The following MDGA2 variants were observed in gnomAD, a reference collection of about 807,000 sequenced individuals.
MDGA2 encodes the protein MAM domain-containing glycosylphosphatidylinositol anchor protein 2.
In MDGA2, 40 loss-of-function variants were observed where a neutral mutation model predicts 117.8. The ratio of observed to expected loss-of-function variants is 0.34; its 90% CI spans 0.26 to 0.44. The LOEUF (loss-of-function observed/expected upper bound fraction) is 0.44, where lower values mean the gene tolerates loss of function less well. Among genes scored for constraint, MDGA2 ranks in the 20% least tolerant of loss-of-function variants. The pLI, the probability that MDGA2 is intolerant of heterozygous loss-of-function variation, is 1.00. For missense variants in MDGA2, 1,123 were observed against 1,250.6 expected, an observed-to-expected ratio of 0.90 and a Z score of 1.54; for synonymous variants, 452 against 439.0, an observed-to-expected ratio of 1.03 and a Z score of -0.37.
intron 8 of MDGA2, among the ~76,000 whole-genome samples, chr14:47,008,909 T>C (rs1003964329): frequency 6.6e-6 from 1 of 151,982 alleles, no homozygotes; most frequent in East Asian, 1.9e-4. Context: ...GAGCACATCT[T>C]AGCTGTTCAA....
At position 47,609,964 on chromosome 14, in the gene MDGA2, C is replaced by T. The variant is rs1896818343; in HGVS notation, c.280+64553G>A. On this transcript the variant is annotated intron_variant, in intron 1 of 16. Transcript: ENST00000399232. Reference sequence around the variant, plus strand: ...CCTGATGAACATAGATGCTAAAATCCTTAACACAATACTAGCTAACGGAAT... The same window carrying T: ...CCTGATGAACATAGATGCTAAAATCTTTAACACAATACTAGCTAACGGAAT... Among the ~76,000 whole-genome samples, 6 of 151,906 alleles carry T rather than the reference C, an allele frequency of 3.9e-5. No homozygotes were observed. In the South Asian group the frequency reaches 1.0e-3, roughly 26 times the overall value.
chr14:47,320,117 C>T (rs145599738), intron 1 of MDGA2, among the ~76,000 whole-genome samples: 1 of 152,136 alleles, frequency 6.6e-6, no homozygotes, highest in African/African-American at 2.4e-5. Context: ...CTGTGGACAC[C>T]TTGATCTTGG....
At chr14:47,043,330 T>C (rs951645390) in intron 7 of MDGA2, among the ~76,000 whole-genome samples, 2 of 152,100 alleles carry the variant, frequency 1.3e-5, no homozygotes, top group Non-Finnish European at 2.9e-5. Context: ...TATTGGATAC[T>C]TACTAGAAAC....
At chr14:47,163,834 TG>T (rs1156945126) in intron 3 of MDGA2, among the ~76,000 whole-genome samples, 2 of 152,178 alleles carry the variant, frequency 1.3e-5, no homozygotes, top group African/African-American at 4.8e-5. Flanking sequence ...TGTTGTTTCC[TG>T]GGAAGCAGGA....
At chr14:46,910,362 C>T (rs771756762) in intron 10 of MDGA2, among the ~76,000 whole-genome samples, 1 of 152,176 alleles carries the variant, frequency 6.6e-6, no homozygotes, top group Non-Finnish European at 1.5e-5. Context: ...TGCTTGTCCC[C>T]TATTAATTTA....
chr14:47,304,932 A>G (rs1889394959), intron 1 of MDGA2, among the ~76,000 whole-genome samples: 1 of 152,122 alleles, frequency 6.6e-6, no homozygotes, highest in African/African-American at 2.4e-5. Flanking sequence ...TTACTTATAA[A>G]TGATTATCTT....
intron 1 of MDGA2, among the ~76,000 whole-genome samples, chr14:47,670,164 T>C (rs1257880890): frequency 6.6e-6 from 1 of 152,202 alleles, no homozygotes; most frequent in Non-Finnish European, 1.5e-5. Context: ...TTTGTCATAC[T>C]CAAGTGTTTC....
In MDGA2 at chr14:46,882,115, T is replaced by A; in HGVS notation, c.2345A>T (p.Tyr782Phe). ...NLTELIKPEAYEVRLTPLTKF... is the reference protein window; with the variant it reads ...NLTELIKPEAFEVRLTPLTKF... ...GGTGAGAGGAGTCAGTCGGACTTCA[T>A]AAGCTTCTGGTTTAATTAGCTCTGT... The change falls in exon 11 of 17, where the codon TAT becomes TTT. Residue 782 changes from tyrosine (Y) to phenylalanine (F), a missense_variant. Tyr to Phe is a conservative substitution (Grantham distance 22, BLOSUM62 3). This residue lies in a region of MDGA2 where 890 missense variants were observed against 1,050.3 expected (regional missense o/e 0.85). Coordinates refer to ENST00000399232, the MANE Select transcript of MDGA2 (RefSeq NM_001113498.3). The A allele has an allele frequency of 6.2e-7, 1 of 1,612,444 alleles. No homozygotes were observed. The highest frequency in any genetic ancestry group is 8.5e-7 in the Non-Finnish European group (1 of 1,178,958).
intron 7 of MDGA2, among the ~76,000 whole-genome samples, chr14:47,039,982 C>G (rs1889005062): frequency 6.6e-6 from 1 of 152,094 alleles, no homozygotes; most frequent in Non-Finnish European, 1.5e-5. Flanking sequence ...TAGCAACCAT[C>G]TTACTATCCA....
At chr14:47,452,213 A>G (rs1436499383) in intron 1 of MDGA2, among the ~76,000 whole-genome samples, 2 of 152,056 alleles carry the variant, frequency 1.3e-5, no homozygotes, top group Non-Finnish European at 2.9e-5. Flanking sequence ...ATACTGATGC[A>G]TGATGTAGAC....
chr14:47,495,559 T>G (rs183923311), intron 1 of MDGA2, among the ~76,000 whole-genome samples: 1 of 152,306 alleles, frequency 6.6e-6, no homozygotes, highest in Non-Finnish European at 1.5e-5. Context: ...ATTTTCAAAT[T>G]ATATACCCCC....
At chr14:47,119,184 C>CGCCG (rs1360376326) in intron 5 of MDGA2, among the ~76,000 whole-genome samples, 3 of 63,780 alleles carry the variant, frequency 4.7e-5, no homozygotes, top group Non-Finnish European at 1.1e-4. Context: ...GCCCCCCCCC[C>CGCCG]CCCACCCCGT....
intron 2 of MDGA2, among the ~76,000 whole-genome samples, chr14:47,256,458 C>T (rs201043783): frequency 6.6e-6 from 1 of 152,132 alleles, no homozygotes; most frequent in East Asian, 1.9e-4. Flanking sequence ...ATTTCTCTGC[C>T]TACATTTCTC....
At chr14:47,067,057 G>A (rs987895093) in intron 6 of MDGA2, among the ~76,000 whole-genome samples, 3 of 152,208 alleles carry the variant, frequency 2.0e-5, no homozygotes, top group African/African-American at 7.2e-5. Context: ...GGAGGTTGCA[G>A]TGAGCCAAGA....
intron 14 of MDGA2, among the ~76,000 whole-genome samples, chr14:46,861,710 G>T (rs1881515604): frequency 6.6e-6 from 1 of 151,958 alleles, no homozygotes; most frequent in Middle Eastern, 3.4e-3. Context: ...ATAATTATAT[G>T]ATTATCCCAG....
At chr14:47,235,899 A>G (rs1886843089) in intron 2 of MDGA2, among the ~76,000 whole-genome samples, 1 of 152,256 alleles carries the variant, frequency 6.6e-6, no homozygotes, top group African/African-American at 2.4e-5. Context: ...TCAGGAAGCC[A>G]TATCTGAAGG....
At chr14:46,878,099 A>T (rs757785332) in intron 11 of MDGA2, among the ~76,000 whole-genome samples, 15 of 151,994 alleles carry the variant, frequency 9.9e-5, no homozygotes, top group Non-Finnish European at 1.9e-4. Flanking sequence ...TGCACACAGA[A>T]TTTTAAAATG....
chr14:46,931,433 G>A (rs1305658076), intron 9 of MDGA2, among the ~76,000 whole-genome samples: 3 of 151,480 alleles, frequency 2.0e-5, no homozygotes, highest in Admixed American at 1.3e-4. Flanking sequence ...ACGTTTTTCA[G>A]TAGAACTTTG....
At chr14:47,190,140 G>A (rs550514195) in intron 3 of MDGA2, among the ~76,000 whole-genome samples, 1 of 152,268 alleles carries the variant, frequency 6.6e-6, no homozygotes, top group South Asian at 2.1e-4. Context: ...TAATTTACTT[G>A]TGCAAATTGA....
Sources: allele counts gnomAD v4.1 joint callset (sites outside exome capture counted in the v4.1 genomes callset), GRCh38; gene constraint gnomAD v4.1.1; regional missense constraint gnomAD v4.1.1; transcripts MANE v1.5; gene names NCBI Gene and HGNC (gene_info 2026-07-23, HGNC 2026-07-21).